Variants in RBPJ observed in about 807,000 individuals in gnomAD.
The protein encoded by RBPJ is recombining binding protein suppressor of hairless.
In RBPJ, 9 loss-of-function variants were observed where a neutral mutation model predicts 67.8. The observed-to-expected ratio is 0.13, with a 90% CI of 0.08 to 0.23. The LOEUF is 0.23. Ranked by LOEUF, RBPJ falls within the 10% of genes least tolerant of loss-of-function variation. The pLI, the probability that RBPJ is intolerant of heterozygous loss-of-function variation, is 1.00. For synonymous variants in RBPJ, 198 were observed against 203.3 expected (o/e 0.97, Z 0.22); for missense variants, 305 against 595.6 (o/e 0.51, Z 5.08).
the RBPJ span, chr4:26,112,525 G>A: frequency 5.6e-5 from 8 of 142,830 alleles, no homozygotes; most frequent in South Asian, 1.8e-3. Context: ...AATGGACAAG[G>A]CTTCTATGAG....
intron 2 of RBPJ, among the ~76,000 whole-genome samples, chr4:26,394,212 A>G (rs1317306036): frequency 1.3e-5 from 2 of 152,072 alleles, no homozygotes; most frequent in Non-Finnish European, 2.9e-5. Context: ...TATTTTTAGT[A>G]GAGACGGGGT....
chr4:26,108,900 A>G, the RBPJ span, among the ~76,000 whole-genome samples: 5 of 152,100 alleles, frequency 3.3e-5, no homozygotes, highest in Non-Finnish European at 5.9e-5. Flanking sequence ...AGGGGTGATT[A>G]TATCTACCTC....
intron 2 of RBPJ, among the ~76,000 whole-genome samples, chr4:26,399,709 T>G (rs969683139): frequency 6.6e-6 from 1 of 152,130 alleles, no homozygotes; most frequent in Non-Finnish European, 1.5e-5. Flanking sequence ...TTTTTTTGTT[T>G]GAGATGGAGT....
At chr4:26,258,578 A>G (rs368184476) in intron 1 of RBPJ, among the ~76,000 whole-genome samples, 55 of 152,346 alleles carry the variant, frequency 3.6e-4, no homozygotes, top group African/African-American at 1.3e-3. Flanking sequence ...GACTTCAAAA[A>G]GTTCATAGAA....
chr4:26,129,962 A>T, the RBPJ span, among the ~76,000 whole-genome samples: 1 of 152,058 alleles, frequency 6.6e-6, no homozygotes, highest in Non-Finnish European at 1.5e-5. Context: ...CCCAGGTCCA[A>T]GCGATTCTCC....
At chr4:26,316,710 T>TATAC (rs1553861097), upstream of RBPJ, among the ~76,000 whole-genome samples, 3 of 141,918 alleles carry the variant, frequency 2.1e-5, no homozygotes, top group Admixed American at 7.2e-5. Context: ...TATATATATA[T>TATAC]ACACACACAC....
intron 2 of RBPJ, among the ~76,000 whole-genome samples, chr4:26,393,840 T>G (rs1212948340): frequency 6.8e-6 from 1 of 147,518 alleles, no homozygotes; most frequent in Non-Finnish European, 1.5e-5. Flanking sequence ...TTTTATTCCT[T>G]AAAAAAAAAA....
At chr4:26,131,399 A>G in the RBPJ span, among the ~76,000 whole-genome samples, 1 of 152,176 alleles carries the variant, frequency 6.6e-6, no homozygotes, top group Non-Finnish European at 1.5e-5. Context: ...TGGTGTCAGA[A>G]TAAGTATTCA....
chr4:26,124,812 G>A, the RBPJ span, among the ~76,000 whole-genome samples: 35 of 152,214 alleles, frequency 2.3e-4, no homozygotes, highest in Middle Eastern at 3.4e-3. Context: ...CGTGAGTAAT[G>A]CATCGTGCTA....
Position 26,236,458 on chromosome 4 carries a change from G to A in RBPJ, c.-167+72844G>A, listed in dbSNP as rs1411150985. Among the ~76,000 whole-genome samples the A allele has an allele frequency of 2.6e-5, 4 of 152,176 alleles. No individual in the cohort carries two copies. In the East Asian group the frequency reaches 5.8e-4, roughly 22 times the overall value. ...ATGAAGTTGCAGTCAGATGTTAGCT[G>A]GGGTCTGCATTCATCTGAAAGCCTG... On this transcript the variant is annotated intron_variant, in intron 1 of 4. Coordinates refer to the RBPJ transcript ENST00000512351.
rs1222298386 is a variant in RBPJ at position 26,424,566 on chromosome 4, AT to A, written c.635-62del. 1 of 1,561,976 alleles carries A rather than the reference AT, an allele frequency of 6.4e-7. No individual in the cohort carries two copies. Among genetic ancestry groups the A allele is most frequent in the Non-Finnish European group, 8.8e-7 (1 of 1,140,050 alleles). On this transcript the variant is annotated intron_variant, in intron 6 of 10. Transcript: ENST00000355476. This position sits in a 1 kb window ranked among gnomAD's most constrained non-coding sequence, Gnocchi z 5.3. ...ATACATGGATATATTAAGTTTTGTC[AT>A]TTGCCTAATCATAAAATAAATTTAA... is the stretch of plus-strand genomic sequence containing the variant.
At chr4:26,211,515 C>T (rs1263762438) in intron 1 of RBPJ, among the ~76,000 whole-genome samples, 1 of 152,116 alleles carries the variant, frequency 6.6e-6, no homozygotes, top group Non-Finnish European at 1.5e-5. Flanking sequence ...AAATAATTCA[C>T]CTCTGTAAAT....
chr4:26,282,045 A>G (rs997992159), intron 1 of RBPJ, among the ~76,000 whole-genome samples: 2 of 151,526 alleles, frequency 1.3e-5, no homozygotes, highest in Non-Finnish European at 2.9e-5. Context: ...GTATTTGTGT[A>G]TGTATGTGTT....
rs550874524 is a variant in RBPJ at position 26,267,194 on chromosome 4, T to C, written c.-166-95252T>C. Among the ~76,000 whole-genome samples, 5 of 152,282 alleles carry C rather than the reference T, an allele frequency of 3.3e-5. No homozygotes were observed. In the East Asian group the frequency reaches 9.7e-4, roughly 29 times the overall value. On this transcript the variant is annotated intron_variant, in intron 1 of 4. Transcript: ENST00000512351. Reference sequence around the variant, plus strand: ...AGCTGTAAAATATGAGAGGACTTGATTTTCTCCAAGTCATATTTCCTTGTG... The same window carrying C: ...AGCTGTAAAATATGAGAGGACTTGACTTTCTCCAAGTCATATTTCCTTGTG...
At chr4:26,271,844 G>A (rs936716042) in intron 1 of RBPJ, among the ~76,000 whole-genome samples, 1 of 152,170 alleles carries the variant, frequency 6.6e-6, no homozygotes, top group Admixed American at 6.5e-5. Flanking sequence ...TCTGCACAGT[G>A]TCACTGCCAC....
upstream of RBPJ, among the ~76,000 whole-genome samples, chr4:26,318,996 C>CAAAAAAAAAAAAAAAAAAA (rs201084739): frequency 1.2e-5 from 1 of 83,866 alleles, no homozygotes; most frequent in Non-Finnish European, 2.7e-5. Context: ...GACTCCGTCT[C>CAAAAAAAAAAAAAAAAAAA]AAAAAAAAAA....
intron 1 of RBPJ, among the ~76,000 whole-genome samples, chr4:26,218,352 C>T (rs189942178): frequency 2.6e-5 from 4 of 152,264 alleles, no homozygotes; most frequent in African/African-American, 7.2e-5. Context: ...ATTCCAGAAC[C>T]GTGGCCGCCT....
At chr4:26,251,709 G>A (rs1475558441) in intron 1 of RBPJ, among the ~76,000 whole-genome samples, 1 of 151,652 alleles carries the variant, frequency 6.6e-6, no homozygotes, top group East Asian at 1.9e-4. Flanking sequence ...TTAGCCAGAT[G>A]TGGTGGCAGA....
chr4:26,346,414 A>T (rs56795036), intron 1 of RBPJ, among the ~76,000 whole-genome samples: 75,556 of 151,950 alleles, frequency 0.5, 19,993 homozygotes, highest in Admixed American at 0.62. Context: ...TAATCTTATT[A>T]TGCAAGTAAA....
Sources: gnomAD v4.1 joint callset for allele counts (sites outside exome capture counted in the v4.1 genomes callset) on GRCh38, gnomAD v4.1.1 for gene constraint, Gnocchi (gnomAD v3.1) non-coding constraint, MANE v1.5 for transcripts, NCBI Gene and HGNC (gene_info 2026-07-23, HGNC 2026-07-21) for gene names.